Variants in CACNA2D3 observed in about 807,000 individuals in gnomAD.
The protein encoded by CACNA2D3 is voltage-dependent calcium channel subunit alpha-2/delta-3.
A neutral mutation model predicts 160.6 loss-of-function variants in CACNA2D3; 60 were observed. The observed-to-expected ratio is 0.37, with a 90% CI of 0.30 to 0.46. CACNA2D3 has a LOEUF of 0.46. Ranked by LOEUF, CACNA2D3 falls within the 20% of genes least tolerant of loss-of-function variation. The pLI, the probability that CACNA2D3 is intolerant of heterozygous loss-of-function variation, is 1.00. For synonymous variants in CACNA2D3, 558 were observed against 492.9 expected, an observed-to-expected ratio of 1.13 and a Z score of -1.75; for missense variants, 1,205 against 1,365.0, an observed-to-expected ratio of 0.88 and a Z score of 1.85.
chr3:54,164,351 C>T (rs1427488347), intron 2 of CACNA2D3, among the ~76,000 whole-genome samples: 1 of 152,228 alleles, frequency 6.6e-6, no homozygotes, highest in Non-Finnish European at 1.5e-5. Flanking sequence ...CCTCCCTCTG[C>T]TGCCGCAGGA....
intron 2 of CACNA2D3, among the ~76,000 whole-genome samples, chr3:54,254,605 A>G (rs973672055): frequency 6.6e-6 from 1 of 152,182 alleles, no homozygotes; most frequent in African/African-American, 2.4e-5. Flanking sequence ...AATAATGCCT[A>G]ATGCATAGGG....
At chr3:54,164,649 A>G (rs1238091429) in intron 2 of CACNA2D3, among the ~76,000 whole-genome samples, 2 of 152,266 alleles carry the variant, frequency 1.3e-5, no homozygotes, top group Middle Eastern at 3.4e-3. Context: ...GCCTTGCTGC[A>G]TCCCTTAGAG....
At chr3:54,347,433 T>A (rs1698479381) in intron 3 of CACNA2D3, among the ~76,000 whole-genome samples, 3 of 152,186 alleles carry the variant, frequency 2.0e-5, no homozygotes, top group Non-Finnish European at 2.9e-5. Context: ...GAAGTGGGGA[T>A]CTTTACTCTG....
chr3:54,941,478 G>A (rs1240206213), intron 27 of CACNA2D3, among the ~76,000 whole-genome samples: 3 of 152,086 alleles, frequency 2.0e-5, no homozygotes, highest in African/African-American at 4.8e-5. Context: ...TTCATCTGTC[G>A]TTTTCCCCCT....
intron 2 of CACNA2D3, among the ~76,000 whole-genome samples, chr3:54,253,800 G>T (rs1388704798): frequency 1.3e-5 from 2 of 151,980 alleles, no homozygotes; most frequent in African/African-American, 2.4e-5. Flanking sequence ...TTGAGACAGA[G>T]TCTATTGCCC....
intron 4 of CACNA2D3, among the ~76,000 whole-genome samples, chr3:54,420,031 G>T (rs1373967609): frequency 6.6e-6 from 1 of 152,068 alleles, no homozygotes; most frequent in African/African-American, 2.4e-5. Context: ...TTCCCAAAGT[G>T]CTGGGATTAC....
intron 2 of CACNA2D3, among the ~76,000 whole-genome samples, chr3:54,212,174 C>T (rs191655100): frequency 6.0e-4 from 92 of 152,312 alleles, no homozygotes; most frequent in African/African-American, 2.0e-3. Context: ...AGGATGGACC[C>T]GTGACACAGC....
intron 27 of CACNA2D3, among the ~76,000 whole-genome samples, chr3:54,923,035 G>A (rs1700898672): frequency 1.3e-5 from 2 of 152,074 alleles, no homozygotes; most frequent in Admixed American, 1.3e-4. Context: ...CATCATCTTC[G>A]CTGGCTGACT....
chr3:54,513,566 T>G (rs1337891519), intron 5 of CACNA2D3, among the ~76,000 whole-genome samples: 1 of 152,186 alleles, frequency 6.6e-6, no homozygotes, highest in East Asian at 1.9e-4. Context: ...CATGCAAGCC[T>G]AATACTTTGG....
intron 5 of CACNA2D3, among the ~76,000 whole-genome samples, chr3:54,515,922 G>A (rs916598353): frequency 6.6e-6 from 1 of 152,216 alleles, no homozygotes; most frequent in African/African-American, 2.4e-5. Flanking sequence ...AGAGGACTTT[G>A]TGAAGCACCT....
At position 54,165,966 on chromosome 3, in the gene CACNA2D3, G is replaced by T. The variant is rs76364417; in HGVS notation, c.204+42372G>T. Among the ~76,000 whole-genome samples, 809 of 152,290 alleles carry T rather than the reference G, an allele frequency of 5.3e-3. 11 individuals are homozygous for T. The highest frequency in any genetic ancestry group is 0.019 in the African/African-American group (786 of 41,548). On this transcript the variant is annotated intron_variant, in intron 2 of 37. Transcript: ENST00000474759. The stretch of plus-strand genomic sequence containing the variant: ...GATCTCCAGTGGTGTAAACTGAAGT[G>T]TGCCATCCAGAGAAAGGAGTCACAA...
intron 27 of CACNA2D3, among the ~76,000 whole-genome samples, chr3:54,951,286 C>G (rs1054380401): frequency 6.6e-6 from 1 of 152,190 alleles, no homozygotes; most frequent in African/African-American, 2.4e-5. Context: ...TGCCAGATAC[C>G]TCTGTAATAG....
chr3:54,426,195 C>G (rs1261377562), intron 4 of CACNA2D3, among the ~76,000 whole-genome samples: 1 of 152,156 alleles, frequency 6.6e-6, no homozygotes, highest in Non-Finnish European at 1.5e-5. Context: ...CTGGTAGACA[C>G]ATTATTATTT....
At chr3:54,551,988 G>A (rs1702165724) in intron 5 of CACNA2D3, among the ~76,000 whole-genome samples, 1 of 152,204 alleles carries the variant, frequency 6.6e-6, no homozygotes, top group Non-Finnish European at 1.5e-5. Context: ...GTGAATATTA[G>A]CTTAACTACA....
intron 13 of CACNA2D3, among the ~76,000 whole-genome samples, chr3:54,801,245 C>A (rs538910952): frequency 1.1e-4 from 17 of 152,264 alleles, no homozygotes; most frequent in Non-Finnish European, 2.4e-4. Context: ...ATTTTGGCCT[C>A]CCAAAGTGCT....
chr3:54,324,140 G>T lies in CACNA2D3; in HGVS notation c.321+3582G>T, dbSNP rs931401959. Among the ~76,000 whole-genome samples, 63 of 152,208 alleles carry T rather than the reference G, an allele frequency of 4.1e-4. 1 individual carries two copies. The highest frequency in any genetic ancestry group is 4.0e-3 in the Admixed American group (61 of 15,280). On this transcript the variant is annotated intron_variant, in intron 3 of 37. Coordinates refer to ENST00000474759, the MANE Select transcript of CACNA2D3 (RefSeq NM_018398.3). Reference sequence around the variant, plus strand: ...AAAAATGGAGTACTACAATAACCTCGTCCTTTAATGTAGCCTGTCATCTCC... The same window carrying T: ...AAAAATGGAGTACTACAATAACCTCTTCCTTTAATGTAGCCTGTCATCTCC...
chr3:54,252,288 T>C (rs1475691210), intron 2 of CACNA2D3, among the ~76,000 whole-genome samples: 1 of 152,064 alleles, frequency 6.6e-6, no homozygotes, highest in Non-Finnish European at 1.5e-5. Context: ...CCAGAAATTA[T>C]TTATAATTAG....
chr3:54,626,629 C>G, intron 9 of CACNA2D3: 2 of 1,228,904 alleles, frequency 1.6e-6, no homozygotes, highest in Non-Finnish European at 2.4e-6. Context: ...CCACTCCTCC[C>G]GCTTCATCCC....
chr3:54,142,787 A>G (rs1289012137), intron 2 of CACNA2D3, among the ~76,000 whole-genome samples: 3 of 152,196 alleles, frequency 2.0e-5, no homozygotes, highest in Non-Finnish European at 4.4e-5. Flanking sequence ...TCCCAAAGCT[A>G]TTTGGCTAGG....
Sources: gnomAD v4.1 joint callset for allele counts (sites outside exome capture counted in the v4.1 genomes callset) on GRCh38, gnomAD v4.1.1 for gene constraint, MANE v1.5 for transcripts, NCBI Gene and HGNC (gene_info 2026-07-23, HGNC 2026-07-21) for gene names.